Variants in FAM228B observed in about 807,000 individuals in gnomAD.
FAM228B encodes the protein family with sequence similarity 228 member B.
In FAM228B, 38 loss-of-function variants were observed where a neutral mutation model predicts 42.6. The observed-to-expected ratio is 0.89, with a 90% CI of 0.69 to 1.17. FAM228B has a LOEUF of 1.17. FAM228B is among the 50% of genes most tolerant of loss of function. The pLI is 0.00. For synonymous variants in FAM228B, 109 were observed against 122.3 expected, an observed-to-expected ratio of 0.89 and a Z score of 0.72; for missense variants, 344 against 367.3, an observed-to-expected ratio of 0.94 and a Z score of 0.52.
chr2:24,086,198 G>A (rs1001212661), intron 2 of FAM228B, among the ~76,000 whole-genome samples: 2 of 141,472 alleles, frequency 1.4e-5, no homozygotes, highest in Admixed American at 7.4e-5. Flanking sequence ...TCGCACCACT[G>A]CACTCCAGCC....
intron 5 of FAM228B, among the ~76,000 whole-genome samples, chr2:24,144,175 C>T (rs1558389192): frequency 6.6e-6 from 1 of 152,148 alleles, no homozygotes; most frequent in African/African-American, 2.4e-5. Flanking sequence ...GGCATGGTGG[C>T]TCATGCCTGT....
chr2:24,158,845 A>G (rs1304840187), intron 7 of FAM228B, among the ~76,000 whole-genome samples: 1 of 152,196 alleles, frequency 6.6e-6, no homozygotes, highest in African/African-American at 2.4e-5. Context: ...GCTTGCCATA[A>G]CAAAGCACTG....
chr2:24,087,513 T>C (rs935756569), intron 2 of FAM228B: 1 of 152,188 alleles, frequency 6.6e-6, no homozygotes, highest in Non-Finnish European at 1.5e-5. Flanking sequence ...CTAATATGAC[T>C]TAGGGTGGGG....
chr2:24,110,910 G>C (rs1665781141), intron 3 of FAM228B, among the ~76,000 whole-genome samples: 1 of 152,186 alleles, frequency 6.6e-6, no homozygotes, highest in African/African-American at 2.4e-5. Context: ...ACTAACTCCA[G>C]TTAGCTAGTG....
chr2:24,093,455 T>A (rs927171103), intron 2 of FAM228B, among the ~76,000 whole-genome samples: 2 of 152,212 alleles, frequency 1.3e-5, no homozygotes, highest in African/African-American at 4.8e-5. Context: ...TCCAGCTTCA[T>A]CCATGTCCCT....
At chr2:24,128,139 T>C (rs12713210) in intron 2 of FAM228B, among the ~76,000 whole-genome samples, 17,512 of 152,270 alleles carry the variant, frequency 0.12, 1,224 homozygotes, top group South Asian at 0.18. Context: ...GTTCACTAAC[T>C]TTCTGTAATG....
chr2:24,125,789 C>A, intron 2 of FAM228B, among the ~76,000 whole-genome samples: 1 of 152,174 alleles, frequency 6.6e-6, no homozygotes, highest in Non-Finnish European at 1.5e-5. Flanking sequence ...TCTCAAACTC[C>A]TGACCTCAAG....
chr2:24,152,206 A>G lies in FAM228B; in HGVS notation c.686+5120A>G, dbSNP rs199577985. On this transcript the variant is annotated intron_variant, in intron 7 of 10. Coordinates refer to ENST00000615575, the MANE Select transcript of FAM228B (RefSeq NM_001145710.2). ...TTATTTCAATTTCTTTGTTAAATTT[A>G]TCTGATAGAATTCTGAATTCCTTCT... Among the ~76,000 whole-genome samples the G allele has an allele frequency of 3.3e-5, 5 of 152,350 alleles. No individual in the cohort carries two copies. The East Asian group carries it at 9.6e-4, about 29-fold the overall frequency.
chr2:24,118,766 T>C (rs1312746352), upstream of FAM228B, among the ~76,000 whole-genome samples: 1 of 152,184 alleles, frequency 6.6e-6, no homozygotes, highest in East Asian at 1.9e-4. Flanking sequence ...CTTAACCAGC[T>C]CTGCTTCCCT....
chr2:24,124,240 T>G, intron 1 of FAM228B, 90 bp from the exon 2 acceptor site: 1 of 633,284 alleles, frequency 1.6e-6, no homozygotes, highest in Non-Finnish European at 2.7e-6. Context: ...AAAATCCATT[T>G]TGCGTGTGTG....
intron 5 of FAM228B, among the ~76,000 whole-genome samples, chr2:24,142,060 A>T (rs891944980): frequency 1.3e-5 from 2 of 152,198 alleles, no homozygotes; most frequent in African/African-American, 4.8e-5. Flanking sequence ...CGTCTCGGGT[A>T]GGCTCTGCAG....
At position 24,114,816 on chromosome 2, in the gene FAM228B, C is replaced by T. The variant is rs1006339107; in HGVS notation, c.-121+19587C>T. ...TGGTCCAGATTATCACCTAGGAGAC[C>T]AAGAGGAGATGAACTCTTTCTGGGG... On this transcript the variant is annotated intron_variant, in intron 3 of 10. Coordinates refer to the FAM228B transcript ENST00000613899. Among the ~76,000 whole-genome samples, 3 of 152,088 alleles carry T rather than the reference C, an allele frequency of 2.0e-5. No homozygotes were observed. In the South Asian group the frequency reaches 6.2e-4, roughly 32 times the overall value.
At chr2:24,113,433 C>T (rs190769809) in intron 3 of FAM228B, among the ~76,000 whole-genome samples, 4 of 152,124 alleles carry the variant, frequency 2.6e-5, no homozygotes, top group Middle Eastern at 3.4e-3. Flanking sequence ...ATTAGCTGCA[C>T]GTGGCATGTG....
chr2:24,117,557 C>T (rs1382586818), intron 3 of FAM228B, among the ~76,000 whole-genome samples: 4 of 151,956 alleles, frequency 2.6e-5, no homozygotes, highest in African/African-American at 9.7e-5. Flanking sequence ...ATTCTCCTGC[C>T]TCAGCCTCCT....
At chr2:24,107,367 C>A (rs1665719114) in intron 3 of FAM228B, among the ~76,000 whole-genome samples, 1 of 152,146 alleles carries the variant, frequency 6.6e-6, no homozygotes, top group African/African-American at 2.4e-5. Context: ...TTAGACAGAT[C>A]ATTGAGGCAG....
chr2:24,138,318 G>A (rs995754534), intron 4 of FAM228B, among the ~76,000 whole-genome samples: 3 of 152,082 alleles, frequency 2.0e-5, no homozygotes, highest in African/African-American at 4.8e-5. Context: ...CCATTTTTCT[G>A]TGTTTTCCCC....
chr2:24,113,045 T>G (rs2151000389), intron 3 of FAM228B, among the ~76,000 whole-genome samples: 1 of 152,284 alleles, frequency 6.6e-6, no homozygotes, highest in Non-Finnish European at 1.5e-5. Flanking sequence ...GCTCCAGCAT[T>G]TATCATGTGG....
chr2:24,168,119 T>TG (rs1667471415), intron 10 of FAM228B: 2 of 189,386 alleles, frequency 1.1e-5, no homozygotes, highest in South Asian at 2.3e-4. Context: ...GCTCATCCTA[T>TG]ACCCAAGAGG....
intron 3 of FAM228B, chr2:24,097,003 G>GAATTTCAT (rs1665510457): frequency 1.3e-5 from 2 of 152,186 alleles, no homozygotes; most frequent in South Asian, 4.1e-4. Flanking sequence ...TTTCAACCCA[G>GAATTTCAT]AATTTCATAT....
Sources: allele counts gnomAD v4.1 joint callset (sites outside exome capture counted in the v4.1 genomes callset), GRCh38; gene constraint gnomAD v4.1.1; transcripts MANE v1.5; gene names NCBI Gene and HGNC (gene_info 2026-07-23, HGNC 2026-07-21).